DNAAF5: variants seen among roughly 807,000 people sequenced by gnomAD.
The protein encoded by DNAAF5 is dynein axonemal assembly factor 5.
A neutral mutation model predicts 75.8 loss-of-function variants in DNAAF5; 64 were observed. The ratio of observed to expected loss-of-function variants is 0.84; its 90% CI spans 0.69 to 1.04. The LOEUF is 1.04. Among genes scored for constraint, DNAAF5 ranks in the 50% least tolerant of loss-of-function variants. The pLI is 0.00. For missense variants in DNAAF5, 1,269 were observed against 1,178.5 expected, an observed-to-expected ratio of 1.08 and a Z score of -1.12; for synonymous variants, 657 against 557.2, an observed-to-expected ratio of 1.18 and a Z score of -2.52.
At chr7:739,612 C>T (rs1277326078) in intron 2 of DNAAF5, among the ~76,000 whole-genome samples, 8 of 152,206 alleles carry the variant, frequency 5.3e-5, no homozygotes, top group Non-Finnish European at 7.3e-5. Context: ...GTCGCCTGTG[C>T]GCACCGCACG....
chr7:729,794 G>A lies in DNAAF5; in HGVS notation c.727G>A (p.Val243Met), dbSNP rs752115497. 6.8e-6 allele frequency: 11 copies of A among 1,614,114 alleles called. No individual in the cohort carries two copies. In the Admixed American group the frequency reaches 1.0e-4, roughly 15 times the overall value. The change falls in exon 2 of 13, where the codon GTG (valine) becomes ATG (methionine). Residue 243 changes from valine to methionine, a missense_variant. Transcript: ENST00000297440. ...GATCCATTTTGGCAACGGGAAGTCC[G>A]TGGACGACGTGCTTTCCCATTTTGC... ...AVIHFGNGKSVDDVLSHFAQR... is the reference protein window; with the variant it reads ...AVIHFGNGKSMDDVLSHFAQR...
chr7:745,423 C>T (rs1048069695), intron 4 of DNAAF5, among the ~76,000 whole-genome samples: 5 of 131,076 alleles, frequency 3.8e-5, no homozygotes, highest in South Asian at 2.7e-4. Flanking sequence ...GAGGCGCACA[C>T]GCATACACAC....
intron 12 of DNAAF5, among the ~76,000 whole-genome samples, chr7:783,082 T>G (rs1182834620): frequency 1.3e-5 from 2 of 152,230 alleles, no homozygotes; most frequent in African/African-American, 4.8e-5. Context: ...GAGCTTGACT[T>G]GTATCCTCGG....
chr7:746,643 C>T (rs1782121919), intron 4 of DNAAF5, among the ~76,000 whole-genome samples: 2 of 151,724 alleles, frequency 1.3e-5, no homozygotes, highest in African/African-American at 4.8e-5. Flanking sequence ...CACCCCCCAC[C>T]CACCTTGCCC....
Position 729,828 on chromosome 7 carries a change from T to C in DNAAF5, c.761T>C (p.Leu254Pro), listed in dbSNP as rs1583472186. 6.2e-7 allele frequency: 1 copy of C among 1,614,206 alleles called. No homozygotes were observed. The highest frequency in any genetic ancestry group is 8.5e-7 in the Non-Finnish European group (1 of 1,180,022). ...DDVLSHFAQR[L>P]FDDVPQVRRA... ...GTGCTTTCCCATTTTGCTCAGCGAC[T>C]GTTTGATGACGTCCCGCAGGTAACT... Residue 254 changes from leucine to proline, a missense_variant, in exon 2 of 13, where the codon CTG (leucine) becomes CCG (proline). Physicochemically the swap from Leu to Pro is moderately conservative, Grantham distance 98. Coordinates refer to ENST00000297440, the MANE Select transcript of DNAAF5 (RefSeq NM_017802.4).
chr7:744,852 C>G (rs969139635), intron 4 of DNAAF5, among the ~76,000 whole-genome samples: 5 of 152,190 alleles, frequency 3.3e-5, no homozygotes, highest in African/African-American at 7.2e-5. Flanking sequence ...ATCCGCCTGC[C>G]TCAGCCTCCC....
In DNAAF5 at chr7:737,176, A is replaced by C. The variant is rs376622840; in HGVS notation, c.781-3643A>C. Among the ~76,000 whole-genome samples the C allele has an allele frequency of 5.8e-3, 883 of 151,920 alleles. 12 individuals carry two copies. The highest frequency in any genetic ancestry group is 0.02 in the African/African-American group (837 of 41,320). ...AATGGCGCCATCTCAGCTCACTGCA[A>C]CCTCCGCCTCCCAGGTTCAAGCGAT... is the stretch of plus-strand genomic sequence containing the variant. On this transcript the variant is annotated intron_variant, in intron 2 of 12. Coordinates refer to ENST00000297440, the MANE Select transcript of DNAAF5 (RefSeq NM_017802.4).
At chr7:740,730 C>G in intron 2 of DNAAF5, 89 bp from the exon 3 acceptor site, 1 of 1,548,372 alleles carries the variant, frequency 6.5e-7, no homozygotes, top group Non-Finnish European at 8.8e-7. Flanking sequence ...AGGCAGCGTC[C>G]GTATGGCAGC....
intron 5 of DNAAF5, 88 bp from the exon 6 acceptor site, chr7:756,693 TG>T (rs1782495233): frequency 8.5e-7 from 1 of 1,174,640 alleles, no homozygotes; most frequent in Non-Finnish European, 1.3e-6. Context: ...GGTGCACGGC[TG>T]TGTCTGGGAG....
At chr7:730,318 CT>C (rs1407104383) in intron 2 of DNAAF5, among the ~76,000 whole-genome samples, 2 of 152,062 alleles carry the variant, frequency 1.3e-5, no homozygotes, top group Non-Finnish European at 2.9e-5. Context: ...TGAGTGTTGG[CT>C]TTACTGCTGG....
chr7:781,497 C>T (rs1778939550), intron 12 of DNAAF5, among the ~76,000 whole-genome samples: 1 of 152,204 alleles, frequency 6.6e-6, no homozygotes, highest in African/African-American at 2.4e-5. Context: ...TGCAGCTCTC[C>T]CCCATAGCTG....
At chr7:741,594 G>A (rs1165184033) in intron 4 of DNAAF5, 129 bp downstream of exon 4, 3 of 627,522 alleles carry the variant, frequency 4.8e-6, no homozygotes, top group Non-Finnish European at 2.8e-6. Context: ...GAAAGGTGCA[G>A]GCGTCTCCCC....
chr7:736,060 G>A (rs62432210), intron 2 of DNAAF5, among the ~76,000 whole-genome samples: 127,689 of 152,232 alleles, frequency 0.84, 53,693 homozygotes, highest in South Asian at 0.9. Context: ...ATGTATTTGT[G>A]TAGTTTCCAA....
intron 4 of DNAAF5, among the ~76,000 whole-genome samples, chr7:744,827 T>A (rs1193367394): frequency 6.6e-6 from 1 of 152,186 alleles, no homozygotes; most frequent in African/African-American, 2.4e-5. Context: ...GGTCTCGAAC[T>A]CCAGACCTCA....
intron 9 of DNAAF5, chr7:772,006 T>G (rs553777415): frequency 1.3e-5 from 2 of 152,462 alleles, no homozygotes; most frequent in South Asian, 4.1e-4. Flanking sequence ...AAATAGCAAG[T>G]TGGCTCTGCT....
At chr7:762,492 A>C (rs1435947201) in intron 7 of DNAAF5, among the ~76,000 whole-genome samples, 1 of 136,444 alleles carries the variant, frequency 7.3e-6, no homozygotes, top group Non-Finnish European at 1.5e-5. Context: ...ACTCCGTCCA[A>C]AAAAAAAAAA....
Position 775,091 on chromosome 7 carries a change from G to A in DNAAF5, c.2168G>A (p.Arg723His), listed in dbSNP as rs756813208. Residue 723 changes from arginine to histidine, a missense_variant, in exon 11 of 13, where the codon CGT (arginine) becomes CAT (histidine). Transcript: ENST00000297440. ...DSKMTRLISC[R>H]IINTFLKTSG... is the part of the protein sequence containing the mutation. ...AAGATGACGCGACTGATCTCATGCC[G>A]TATTATCAACACGTTCTTAAAAACC... The A allele has an allele frequency of 5.6e-6, 9 of 1,613,888 alleles. No homozygotes were observed. The highest frequency in any genetic ancestry group is 1.3e-5 in the African/African-American group (1 of 74,872).
Position 782,995 on chromosome 7 carries a change from G to A in DNAAF5, c.2432-2522G>A, listed in dbSNP as rs1328131406. Among the ~76,000 whole-genome samples, 3 of 152,270 alleles carry A rather than the reference G, an allele frequency of 2.0e-5. No homozygotes were observed. In the South Asian group the frequency reaches 6.2e-4, roughly 32 times the overall value. ...GTTACGCAACGTCAGAAACTCTCCTGCGTGGGCACCAGGCTCAGAAGAGTC... is the reference window on the plus strand; with the variant it reads ...GTTACGCAACGTCAGAAACTCTCCTACGTGGGCACCAGGCTCAGAAGAGTC... On this transcript the variant is annotated intron_variant, in intron 12 of 12. Coordinates refer to ENST00000297440, the MANE Select transcript of DNAAF5 (RefSeq NM_017802.4).
In DNAAF5 at chr7:785,252, G is replaced by A. The variant is rs937614642; in HGVS notation, c.2432-265G>A. Among the ~76,000 whole-genome samples, 8 of 147,996 alleles carry A rather than the reference G, an allele frequency of 5.4e-5. No homozygotes were observed. The East Asian group carries it at 9.8e-4, about 18-fold the overall frequency. The stretch of plus-strand genomic sequence containing the variant: ...CCCATCCAGCAGCGTCAGGTCATTC[G>A]TCCCCAGATTGTGAGTCGGGTCACT... On this transcript the variant is annotated intron_variant, in intron 12 of 12. Coordinates refer to ENST00000297440, the MANE Select transcript of DNAAF5 (RefSeq NM_017802.4).
Sources: gnomAD v4.1 joint callset for allele counts (sites outside exome capture counted in the v4.1 genomes callset) on GRCh38, gnomAD v4.1.1 for gene constraint, MANE v1.5 for transcripts, NCBI Gene and HGNC (gene_info 2026-07-23, HGNC 2026-07-21) for gene names.